Variants in GATB observed in about 807,000 individuals in gnomAD.
The protein encoded by GATB is glutamyl-tRNA(Gln) amidotransferase subunit B, mitochondrial.
GATB carries 39 observed loss-of-function variants against 62.3 expected under a neutral mutation model. The observed-to-expected ratio is 0.63, with a 90% CI of 0.48 to 0.82. The LOEUF is 0.82. Ranked by LOEUF, GATB falls within the 40% of genes least tolerant of loss-of-function variation. GATB has a pLI of 0.00. For missense variants in GATB, 670 were observed against 684.0 expected (o/e 0.98, Z 0.23); for synonymous variants, 276 against 258.9 (o/e 1.07, Z -0.63).
intron 10 of GATB, among the ~76,000 whole-genome samples, chr4:151,687,664 G>C (rs997360095): frequency 6.6e-6 from 1 of 152,174 alleles, no homozygotes; most frequent in Non-Finnish European, 1.5e-5. Context: ...ATGAGGTCTA[G>C]AAGAGGTCAC....
intron 9 of GATB, among the ~76,000 whole-genome samples, chr4:151,689,841 T>C (rs1258083408): frequency 6.6e-6 from 1 of 152,146 alleles, no homozygotes; most frequent in Admixed American, 6.5e-5. Flanking sequence ...GGTTCTATAC[T>C]ACAGCTTGCT....
At chr4:151,691,433 A>G (rs1041503508) in intron 9 of GATB, among the ~76,000 whole-genome samples, 2 of 152,208 alleles carry the variant, frequency 1.3e-5, no homozygotes, top group Non-Finnish European at 2.9e-5. Flanking sequence ...CATTTTAATC[A>G]GATTTCCCAA....
At chr4:151,752,101 C>T (rs566091239) in intron 2 of GATB, among the ~76,000 whole-genome samples, 2 of 152,136 alleles carry the variant, frequency 1.3e-5, no homozygotes, top group South Asian at 4.1e-4. Context: ...ATTTTTTTTC[C>T]CCTAAGAATG....
chr4:151,686,247 T>C (rs1244869511), intron 10 of GATB, among the ~76,000 whole-genome samples: 2 of 152,036 alleles, frequency 1.3e-5, no homozygotes, highest in Non-Finnish European at 2.9e-5. Flanking sequence ...ATTTTCATTT[T>C]ACAGTGAGGA....
intron 2 of GATB, among the ~76,000 whole-genome samples, chr4:151,747,143 G>T (rs1739618856): frequency 6.6e-6 from 1 of 152,158 alleles, no homozygotes. Context: ...TTGGTACATG[G>T]TAGTTGATTT....
At chr4:151,698,056 A>C (rs970585359) in intron 9 of GATB, among the ~76,000 whole-genome samples, 2 of 147,800 alleles carry the variant, frequency 1.4e-5, no homozygotes, top group Non-Finnish European at 3.0e-5. Context: ...TTGAAGTTTT[A>C]GGTGGGGCAA....
Position 151,695,930 on chromosome 4 carries a change from A to ATTTTTTTTTTTT in GATB, c.1197+5387_1197+5398dup, listed in dbSNP as rs57028979. Among the ~76,000 whole-genome samples, 60 of 122,842 alleles carry ATTTTTTTTTTTT rather than the reference A, an allele frequency of 4.9e-4. 1 individual carries two copies. Among genetic ancestry groups the ATTTTTTTTTTTT allele is most frequent in the East Asian group, 9.2e-4 (4 of 4,358 alleles). The allele number at this position is 122,842 out of a possible 152,430, so 80.6% of individuals were successfully genotyped here. On this transcript the variant is annotated intron_variant, in intron 9 of 12. Transcript: ENST00000263985. Reference sequence around the variant, plus strand: ...GTGCCACCATGCCCGGCTAATTTAAATTTTTTTTTTTTTTTTTTTTTTGTA... The same window carrying ATTTTTTTTTTTT: ...GTGCCACCATGCCCGGCTAATTTAAATTTTTTTTTTTTTTTTTTTTTTTTTTTTTTTTTTGTA...
At chr4:151,688,137 C>T (rs7669465) in intron 10 of GATB, among the ~76,000 whole-genome samples, 63,393 of 152,030 alleles carry the variant, frequency 0.42, 13,713 homozygotes, top group South Asian at 0.57. Context: ...GAGCTTCGCA[C>T]TCTGCTTTGT....
At chr4:151,731,783 G>A (rs1446633179) in intron 2 of GATB, among the ~76,000 whole-genome samples, 1 of 151,924 alleles carries the variant, frequency 6.6e-6, no homozygotes. Flanking sequence ...TCTGGGAGGT[G>A]AGGAGCGTCT....
chr4:151,697,935 ATATG>A (rs1344777254), intron 9 of GATB, among the ~76,000 whole-genome samples: 1 of 74,710 alleles, frequency 1.3e-5, no homozygotes, highest in African/African-American at 8.2e-5. Flanking sequence ...GATTTCATAT[ATATG>A]TGTGTGTGTG....
chr4:151,750,280 G>A (rs566439671), intron 2 of GATB, among the ~76,000 whole-genome samples: 274 of 152,158 alleles, frequency 1.8e-3, no homozygotes, highest in African/African-American at 6.3e-3. Flanking sequence ...CCTAGGTCCC[G>A]TCCTGTTCCT....
chr4:151,748,595 G>A (rs1739652167), intron 2 of GATB, among the ~76,000 whole-genome samples: 1 of 152,098 alleles, frequency 6.6e-6, no homozygotes, highest in African/African-American at 2.4e-5. Flanking sequence ...TCAGGACATA[G>A]GCATGGGCAA....
chr4:151,726,061 T>A (rs1170328894), intron 2 of GATB, among the ~76,000 whole-genome samples: 1 of 152,214 alleles, frequency 6.6e-6, no homozygotes, highest in African/African-American at 2.4e-5. Flanking sequence ...AAAGCCCACA[T>A]GGCAATTACT....
At chr4:151,751,859 AC>A (rs1341587610) in intron 2 of GATB, among the ~76,000 whole-genome samples, 1 of 152,172 alleles carries the variant, frequency 6.6e-6, no homozygotes, top group Non-Finnish European at 1.5e-5. Context: ...CAAATCAGAT[AC>A]CTGTTAATTC....
Position 151,701,388 on chromosome 4 carries a change from T to C in GATB, c.1138A>G (p.Thr380Ala), listed in dbSNP as rs1738599799. The change falls in exon 9 of 13, where the codon ACC becomes GCC. Residue 380 changes from threonine to alanine, a missense_variant. Transcript: ENST00000263985. ...RETLPELPSV[T>A]REKLVQQYGM... ...TACTGTTGGACAAGCTTCTCTCGGG[T>C]CACACTGGGGAGCTCCGGGAGTGTC... 1.9e-6 allele frequency: 3 copies of C among 1,600,078 alleles called. No homozygotes were observed. The highest frequency in any genetic ancestry group is 1.3e-5 in the African/African-American group (1 of 74,334).
intron 5 of GATB, among the ~76,000 whole-genome samples, chr4:151,714,370 A>G (rs1738875203): frequency 6.6e-6 from 1 of 152,240 alleles, no homozygotes; most frequent in Non-Finnish European, 1.5e-5. Context: ...GGACAGAAGG[A>G]TGAGCAAAGG....
intron 2 of GATB, among the ~76,000 whole-genome samples, chr4:151,745,926 C>A (rs1739585670): frequency 6.6e-6 from 1 of 152,186 alleles, no homozygotes. Flanking sequence ...GTCTTTTCCC[C>A]AGTTCTGGAG....
At chr4:151,693,278 G>A (rs954063528) in intron 9 of GATB, among the ~76,000 whole-genome samples, 1 of 152,214 alleles carries the variant, frequency 6.6e-6, no homozygotes, top group Admixed American at 6.5e-5. Context: ...CAGAAAGCAG[G>A]CGTCAGGGCA....
At chr4:151,722,233 T>C (rs1739046186) in intron 2 of GATB, 2 of 702,296 alleles carry the variant, frequency 2.8e-6, no homozygotes, top group Non-Finnish European at 5.2e-6. Context: ...AAAAAATTCT[T>C]AAATGTCTAT....
Sources: allele counts gnomAD v4.1 joint callset (sites outside exome capture counted in the v4.1 genomes callset), GRCh38; gene constraint gnomAD v4.1.1; transcripts MANE v1.5; gene names NCBI Gene and HGNC (gene_info 2026-07-23, HGNC 2026-07-21).